The following PHIP variants were observed in gnomAD, a reference collection of about 807,000 sequenced individuals.
PHIP encodes the protein PHIP subunit of CUL4-Ring ligase complex.
Under a neutral mutation model 236.8 loss-of-function variants are expected in PHIP, and 54 were observed. The ratio of observed to expected loss-of-function variants is 0.23; its 90% CI spans 0.18 to 0.29. The LOEUF (loss-of-function observed/expected upper bound fraction) is 0.29, where lower values mean the gene tolerates loss of function less well. Among genes scored for constraint, PHIP ranks in the 10% least tolerant of loss-of-function variants. The probability of loss-of-function intolerance (pLI) is 1.00; values close to 1 mark genes in which losing one functional copy is unlikely to be tolerated. For synonymous variants in PHIP, 756 were observed against 718.9 expected (o/e 1.05, Z -0.83); for missense variants, 1,370 against 2,190.8 (o/e 0.63, Z 7.48).
At chr6:78,998,005 T>C (rs1769740659) in intron 18 of PHIP, among the ~76,000 whole-genome samples, 1 of 152,204 alleles carries the variant, frequency 6.6e-6, no homozygotes, top group South Asian at 2.1e-4. Flanking sequence ...TGGCTTTGAC[T>C]ATTCTACATG....
chr6:79,055,032 C>T (rs1289196662), intron 6 of PHIP, among the ~76,000 whole-genome samples: 1 of 151,654 alleles, frequency 6.6e-6, no homozygotes, highest in Non-Finnish European at 1.5e-5. Flanking sequence ...TTTTTCCTTA[C>T]CCTCAAACAT....
At chr6:78,990,285 A>G (rs1337492510) in intron 20 of PHIP, among the ~76,000 whole-genome samples, 1 of 152,222 alleles carries the variant, frequency 6.6e-6, no homozygotes, top group African/African-American at 2.4e-5. Context: ...AAAAGGAAAA[A>G]GCGATATTTG....
intron 23 of PHIP, among the ~76,000 whole-genome samples, chr6:78,981,044 C>T (rs774158058): frequency 5.3e-5 from 8 of 151,892 alleles, no homozygotes; most frequent in Non-Finnish European, 1.2e-4. Context: ...TCTTATTCCC[C>T]AATAATTCCT....
intron 7 of PHIP, among the ~76,000 whole-genome samples, chr6:79,037,263 T>G (rs1439469295): frequency 6.6e-6 from 1 of 152,150 alleles, no homozygotes; most frequent in Non-Finnish European, 1.5e-5. Context: ...AATACAGGCC[T>G]TACAATCTGC....
At chr6:79,058,019 A>G (rs1582299900) in intron 6 of PHIP, among the ~76,000 whole-genome samples, 1 of 152,154 alleles carries the variant, frequency 6.6e-6, no homozygotes, top group East Asian at 1.9e-4. Flanking sequence ...TTCAAAAAAT[A>G]TATGTAAATA....
At position 78,992,464 on chromosome 6, in the gene PHIP, G is replaced by GTATC. The variant is rs562356002; in HGVS notation, c.2202-1480_2202-1479insGATA. Among the ~76,000 whole-genome samples the GTATC allele has an allele frequency of 3.1e-3, 474 of 151,466 alleles. 3 individuals are homozygous for GTATC. Among genetic ancestry groups the GTATC allele is most frequent in the African/African-American group, 0.011 (440 of 41,284 alleles). On this transcript the variant is annotated intron_variant, in intron 19 of 39. Coordinates refer to ENST00000275034, the MANE Select transcript of PHIP (RefSeq NM_017934.7). The stretch of plus-strand genomic sequence containing the variant: ...GTACACAGGCATACATTGTTTTACT[G>GTATC]TGCTTTGCAGATAGTGCATTTTTTT...
At position 78,937,779 on chromosome 6, in the gene PHIP, G is replaced by A. The variant is rs1773330228; in HGVS notation, c.*2914C>T. 6.6e-6 allele frequency: 1 copy of A among 151,690 alleles called. No individual in the cohort carries two copies. The highest frequency in any genetic ancestry group is 2.1e-4 in the South Asian group (1 of 4,832). The allele number at this position is 151,690 out of a possible 1,614,324, so 9.4% of individuals were successfully genotyped here. A position where few individuals can be genotyped will look rare whatever the true frequency, so the allele number is the denominator to read the frequency against. On this transcript the variant is annotated 3_prime_UTR_variant, in exon 40 of 40. Coordinates refer to ENST00000275034, the MANE Select transcript of PHIP (RefSeq NM_017934.7). ...AAAAGCTATGTATCTATTGCCCAGG[G>A]CTGTGAGTCTCTGATTAGACTAAAT...
Position 79,003,718 on chromosome 6 carries a change from A to C in PHIP, c.1653+12T>G, listed in dbSNP as rs373801333. ...AAAAATAAGGACATGATATATAGTCATCATACTCTACCTTGTCATATTTGC... is the reference window on the plus strand; with the variant it reads ...AAAAATAAGGACATGATATATAGTCCTCATACTCTACCTTGTCATATTTGC... On this transcript the variant is annotated intron_variant, in intron 16 of 39. Transcript: ENST00000275034. 10 of 1,589,048 alleles carry C rather than the reference A, an allele frequency of 6.3e-6. No homozygotes were observed. Among genetic ancestry groups the C allele is most frequent in the Non-Finnish European group, 8.5e-6 (10 of 1,169,918 alleles).
chr6:79,064,636 G>C (rs899559879), intron 4 of PHIP, among the ~76,000 whole-genome samples: 2 of 151,966 alleles, frequency 1.3e-5, no homozygotes. Flanking sequence ...CTTAACTTTT[G>C]TGACACTCCT....
rs767585110 is a variant in PHIP, at chr6:78,966,051, G to A, written c.3211C>T (p.Arg1071Cys). The change falls in exon 28 of 40, where the codon CGC (arginine) becomes TGC (cysteine). Residue 1071 changes from arginine to cysteine, a missense_variant. This residue lies in a region of PHIP where 238 missense variants were observed against 398.5 expected (regional missense o/e 0.60). Transcript: ENST00000275034. ...GCATCATCTATGACAGACCTGAAGC[G>A]GTCACCTGGCCAAGAACAAAAACTA... ...AKYRRWNIGDRFRSVIDDAWW... is the reference protein window; with the variant it reads ...AKYRRWNIGDCFRSVIDDAWW... The A allele has an allele frequency of 1.2e-6, 2 of 1,606,954 alleles. No homozygotes were observed. Among genetic ancestry groups the A allele is most frequent in the Non-Finnish European group, 1.7e-6 (2 of 1,173,898 alleles).
chr6:78,978,683 T>C lies in PHIP; in HGVS notation c.2798A>G (p.Asn933Ser), dbSNP rs1768286722. 1 of 1,595,766 alleles carries C rather than the reference T, an allele frequency of 6.3e-7. No individual in the cohort carries two copies. The highest frequency in any genetic ancestry group is 1.7e-5 in the Admixed American group (1 of 59,776). ...CAACCATTCTTCTAATGTCAAACCA[T>C]TTTCAGTTAGTTCTCCCACAGCCAA... ...KRLAVGELTE[N>S]GLTLEEWLPS... The change falls in exon 24 of 40, where the codon AAT becomes AGT. Residue 933 changes from asparagine to serine, a missense_variant. This residue lies in a region of PHIP where 76 missense variants were observed against 76.4 expected (regional missense o/e 0.99). Coordinates refer to ENST00000275034, the MANE Select transcript of PHIP (RefSeq NM_017934.7).
At chr6:79,038,375 G>T (rs978756249) in intron 7 of PHIP, among the ~76,000 whole-genome samples, 2 of 152,130 alleles carry the variant, frequency 1.3e-5, no homozygotes, top group Non-Finnish European at 1.5e-5. Flanking sequence ...CATTCACAAG[G>T]GCTCCATTCT....
chr6:78,996,484 T>C (rs1221434430), intron 19 of PHIP, among the ~76,000 whole-genome samples: 1 of 152,180 alleles, frequency 6.6e-6, no homozygotes, highest in Non-Finnish European at 1.5e-5. Flanking sequence ...AAAATGGGCA[T>C]TATTTATTTG....
intron 13 of PHIP, among the ~76,000 whole-genome samples, chr6:79,016,025 TGC>T (rs1275809166): frequency 6.6e-6 from 1 of 151,868 alleles, no homozygotes; most frequent in Non-Finnish European, 1.5e-5. Context: ...TAAATATCAC[TGC>T]TATAACTCTA....
intron 6 of PHIP, among the ~76,000 whole-genome samples, chr6:79,056,097 A>C (rs184851452): frequency 4.6e-5 from 7 of 152,318 alleles, no homozygotes; most frequent in African/African-American, 1.4e-4. Context: ...GAGCAATAAA[A>C]CATAATGTCT....
In PHIP at chr6:78,942,600, C is replaced by T. The variant is rs190362315; in HGVS notation, c.4829-1270G>A. Among the ~76,000 whole-genome samples the T allele has an allele frequency of 1.8e-3, 269 of 152,292 alleles. 1 individual carries two copies. Among genetic ancestry groups the T allele is most frequent in the African/African-American group, 5.6e-3 (232 of 41,550 alleles). ...TCCTGACCCCCATAGTGAAATGACT[C>T]TCTTTAGATTAGTGGTTGGGAAAAA... On this transcript the variant is annotated intron_variant, in intron 39 of 39. Transcript: ENST00000275034.
chr6:78,954,515 G>C (rs1766280884), intron 35 of PHIP, among the ~76,000 whole-genome samples: 1 of 151,540 alleles, frequency 6.6e-6, no homozygotes, highest in African/African-American at 2.4e-5. Context: ...AATCAGTGTA[G>C]GGAAGACAAA....
In PHIP at chr6:78,968,214, T is replaced by C. The variant is rs148159131; in HGVS notation, c.3205+1621A>G. 3.4e-3 allele frequency among the ~76,000 whole-genome samples: 524 copies of C among 152,318 alleles called. 3 individuals carry two copies. The highest frequency in any genetic ancestry group is 0.011 in the African/African-American group (471 of 41,550). On this transcript the variant is annotated intron_variant, in intron 27 of 39. Coordinates refer to ENST00000275034, the MANE Select transcript of PHIP (RefSeq NM_017934.7). ...AACAATCAGATGTACCAAAGGCTGA[T>C]AGCCAAAACCAAGAAAAATGTTTTC...
intron 6 of PHIP, among the ~76,000 whole-genome samples, chr6:79,045,344 A>G (rs1178666788): frequency 2.6e-5 from 4 of 152,166 alleles, no homozygotes; most frequent in African/African-American, 9.6e-5. Context: ...AGGCTTGACC[A>G]TATCAAATAG....
Sources: gnomAD v4.1 joint callset for allele counts (sites outside exome capture counted in the v4.1 genomes callset) on GRCh38, gnomAD v4.1.1 for gene constraint, gnomAD v4.1.1 regional missense constraint, MANE v1.5 for transcripts, NCBI Gene and HGNC (gene_info 2026-07-23, HGNC 2026-07-21) for gene names.